RCHY1: variants seen among roughly 807,000 people sequenced by gnomAD.
RCHY1 encodes the protein RING finger and CHY zinc finger domain-containing protein 1.
A neutral mutation model predicts 41.6 loss-of-function variants in RCHY1; 21 were observed. That is an observed-to-expected ratio of 0.51 (90% CI 0.36 to 0.73). The LOEUF (loss-of-function observed/expected upper bound fraction) is 0.73, where lower values mean the gene tolerates loss of function less well. Ranked by LOEUF, RCHY1 falls within the 30% of genes least tolerant of loss-of-function variation. RCHY1 has a pLI of 0.00. For synonymous variants in RCHY1, 79 were observed against 102.9 expected (o/e 0.77, Z 1.41); for missense variants, 265 against 325.3 (o/e 0.81, Z 1.43).
At chr4:75,512,175 TACC>T (rs999552512) in intron 1 of RCHY1, among the ~76,000 whole-genome samples, 6 of 152,186 alleles carry the variant, frequency 3.9e-5, no homozygotes, top group African/African-American at 1.2e-4. Context: ...GGACACTTAC[TACC>T]ACGTTTCCCT....
chr4:75,487,472 CAATATATATAGTCATATATATTCAT>C (rs1722127777), intron 8 of RCHY1, among the ~76,000 whole-genome samples: 1 of 97,494 alleles, frequency 1.0e-5, no homozygotes, highest in Non-Finnish European at 2.2e-5. Flanking sequence ...TATATATTCA[CAATATATATAGTCATATATATTCAT>C]AATATATATA....
chr4:75,498,353 C>T (rs545986895), intron 3 of RCHY1, among the ~76,000 whole-genome samples: 79 of 151,572 alleles, frequency 5.2e-4, no homozygotes, highest in Non-Finnish European at 9.4e-4. Flanking sequence ...GAAAAGCCCA[C>T]AATCTGATGG....
In RCHY1 at chr4:75,480,148, A is replaced by G. The variant is rs1395917377; in HGVS notation, c.*2390T>C. 6.6e-6 allele frequency: 1 copy of G among 152,154 alleles called. No homozygotes were observed. The highest frequency in any genetic ancestry group is 2.4e-5 in the African/African-American group (1 of 41,448). The allele number at this position is 152,154 out of a possible 1,614,324, so 9.4% of individuals were successfully genotyped here. ...TACTTGAAGCAACCCTGGGTACCGA[A>G]GCCTAGAGACTTTGAGTACATTTGA... On this transcript the variant is annotated 3_prime_UTR_variant, in exon 9 of 9. Transcript: ENST00000324439.
At position 75,508,913 on chromosome 4, in the gene RCHY1, C is replaced by T; in HGVS notation, c.233G>A (p.Cys78Tyr). Residue 78 changes from cysteine (C) to tyrosine (Y), a missense_variant, in exon 3 of 9, where the codon TGT (cysteine) becomes TAT (tyrosine). Transcript: ENST00000324439. ...ATAATATTCTCCAAACAATGTGCTA[C>T]ATTCTTCACAAGTCTGTTGGGCCTA... ...IQHAQQTCEE[C>Y]STLFGEYYCD... The T allele has an allele frequency of 5.6e-6, 9 of 1,606,918 alleles. No individual in the cohort carries two copies. The highest frequency in any genetic ancestry group is 7.6e-6 in the Non-Finnish European group (9 of 1,177,400).
At chr4:75,487,064 G>T (rs752256528) in intron 8 of RCHY1, among the ~76,000 whole-genome samples, 1 of 151,878 alleles carries the variant, frequency 6.6e-6, no homozygotes, top group Non-Finnish European at 1.5e-5. Flanking sequence ...AATACAGAAC[G>T]TTCAAAAGAA....
At chr4:75,505,181 G>C (rs956769593) in intron 3 of RCHY1, among the ~76,000 whole-genome samples, 1 of 152,058 alleles carries the variant, frequency 6.6e-6, no homozygotes, top group Non-Finnish European at 1.5e-5. Flanking sequence ...TCACAATAGG[G>C]TTTGTGCTCC....
At chr4:75,500,710 G>A (rs1191695318) in intron 3 of RCHY1, among the ~76,000 whole-genome samples, 1 of 152,082 alleles carries the variant, frequency 6.6e-6, no homozygotes, top group South Asian at 2.1e-4. Context: ...ATTTCAGTAG[G>A]AGAGCTATAC....
intron 1 of RCHY1, among the ~76,000 whole-genome samples, chr4:75,511,777 G>A (rs777141002): frequency 7.4e-4 from 112 of 150,894 alleles, no homozygotes; most frequent in Non-Finnish European, 2.8e-4. Flanking sequence ...ACTAAACAGT[G>A]CTTTTCCACC....
chr4:75,482,786 A>C (rs912303413), intron 8 of RCHY1, 120 bp from the exon 9 acceptor site: 12 of 652,328 alleles, frequency 1.8e-5, no homozygotes, highest in Non-Finnish European at 2.6e-5. Flanking sequence ...AAGTCTAAAA[A>C]TTTCCAAAAG....
intron 3 of RCHY1, among the ~76,000 whole-genome samples, chr4:75,506,077 T>A (rs1054190962): frequency 3.4e-4 from 47 of 136,762 alleles, no homozygotes; most frequent in African/African-American, 1.2e-3. Context: ...AGGGACTATG[T>A]CCTAGGAGCA....
chr4:75,514,085 T>G, intron 1 of RCHY1, 112 bp downstream of exon 1: 1 of 1,490,276 alleles, frequency 6.7e-7, no homozygotes, highest in Non-Finnish European at 9.1e-7. Flanking sequence ...GGAAAAGGTA[T>G]CCTGAAAATC....
At chr4:75,490,053 C>T (rs1578211481) in intron 8 of RCHY1, among the ~76,000 whole-genome samples, 1 of 152,062 alleles carries the variant, frequency 6.6e-6, no homozygotes, top group East Asian at 1.9e-4. Context: ...AATTATGACT[C>T]TTATCTCTCA....
intron 1 of RCHY1, 135 bp downstream of exon 1, chr4:75,514,062 C>G (rs1362158853): frequency 1.4e-6 from 2 of 1,391,446 alleles, no homozygotes; most frequent in African/African-American, 1.4e-5. Context: ...TCAAGAAGAA[C>G]CCAGTTCCAG....
chr4:75,509,771 C>T, intron 1 of RCHY1: 1 of 173,940 alleles, frequency 5.7e-6, no homozygotes, highest in Non-Finnish European at 1.2e-5. Context: ...TCCACTTTTG[C>T]TTCTTCCTCA....
At chr4:75,498,493 A>C (rs1367117671) in intron 3 of RCHY1, among the ~76,000 whole-genome samples, 4 of 151,752 alleles carry the variant, frequency 2.6e-5, no homozygotes, top group Non-Finnish European at 5.9e-5. Flanking sequence ...AAAAAAAAAA[A>C]AAAAAACATA....
At chr4:75,508,048 T>C (rs914216905) in intron 3 of RCHY1, among the ~76,000 whole-genome samples, 2 of 152,024 alleles carry the variant, frequency 1.3e-5, no homozygotes, top group African/African-American at 4.8e-5. Context: ...CTGTTATCTT[T>C]TGGTAGGTTG....
intron 1 of RCHY1, among the ~76,000 whole-genome samples, chr4:75,511,372 G>A (rs935644702): frequency 3.9e-5 from 6 of 152,040 alleles, no homozygotes; most frequent in African/African-American, 1.5e-4. Flanking sequence ...TTTTATCACT[G>A]GCAACAAATA....
chr4:75,490,816 C>G, intron 7 of RCHY1, 115 bp from the exon 8 acceptor site: 1 of 699,074 alleles, frequency 1.4e-6, no homozygotes, highest in Non-Finnish European at 2.3e-6. Context: ...GCATTTTCCT[C>G]CATTTCAAGA....
intron 3 of RCHY1, among the ~76,000 whole-genome samples, chr4:75,501,532 GAAC>G (rs1723758870): frequency 1.3e-5 from 2 of 152,038 alleles, no homozygotes; most frequent in Admixed American, 1.3e-4. Context: ...AAATATTTTT[GAAC>G]AATGACAAAA....
Sources: allele counts gnomAD v4.1 joint callset (sites outside exome capture counted in the v4.1 genomes callset), GRCh38; gene constraint gnomAD v4.1.1; transcripts MANE v1.5; gene names NCBI Gene and HGNC (gene_info 2026-07-23, HGNC 2026-07-21).